Variants in ASTN1 observed in about 807,000 individuals in gnomAD.
The protein encoded by ASTN1 is astrotactin 1.
In ASTN1, 41 loss-of-function variants were observed where a neutral mutation model predicts 140.7. The ratio of observed to expected loss-of-function variants is 0.29; its 90% confidence interval spans 0.23 to 0.38. The LOEUF (loss-of-function observed/expected upper bound fraction) is 0.38, where lower values mean the gene tolerates loss of function less well. Among genes scored for constraint, ASTN1 ranks in the 10% least tolerant of loss-of-function variants. The probability of loss-of-function intolerance (pLI) is 1.00; values close to 1 mark genes in which losing one functional copy is unlikely to be tolerated. For synonymous variants in ASTN1, 640 were observed against 652.2 expected, an observed-to-expected ratio of 0.98 and a Z score of 0.29; for missense variants, 1,479 against 1,678.8, an observed-to-expected ratio of 0.88 and a Z score of 2.08.
At chr1:177,159,086 A>AT in intron 1 of ASTN1, among the ~76,000 whole-genome samples, 1 of 151,496 alleles carries the variant, frequency 6.6e-6, no homozygotes, top group Admixed American at 6.6e-5. Context: ...AAAAAAAAAA[A>AT]ATTAAAATTT....
chr1:176,899,893 T>C (rs1465442751), intron 16 of ASTN1, among the ~76,000 whole-genome samples: 1 of 152,194 alleles, frequency 6.6e-6, no homozygotes, highest in Non-Finnish European at 1.5e-5. Flanking sequence ...AATGGATTAA[T>C]AATTAGGGAA....
At chr1:176,927,722 A>T (rs967587209) in intron 16 of ASTN1, among the ~76,000 whole-genome samples, 8 of 152,214 alleles carry the variant, frequency 5.3e-5, no homozygotes, top group African/African-American at 1.9e-4. Flanking sequence ...ATCACTTTGT[A>T]ATTCCTCCCA....
chr1:176,876,899 G>A (rs1372521530), intron 20 of ASTN1, among the ~76,000 whole-genome samples: 1 of 152,130 alleles, frequency 6.6e-6, no homozygotes, highest in East Asian at 1.9e-4. Context: ...ATCAGGCACC[G>A]GTTCTCAAAG....
intron 8 of ASTN1, among the ~76,000 whole-genome samples, chr1:177,012,286 G>A (rs1384067603): frequency 6.6e-6 from 1 of 152,074 alleles, no homozygotes; most frequent in African/African-American, 2.4e-5. Context: ...AAGATGTATG[G>A]CATCTTATAC....
chr1:176,903,037 C>T (rs1217423733), intron 16 of ASTN1, among the ~76,000 whole-genome samples: 1 of 152,172 alleles, frequency 6.6e-6, no homozygotes, highest in Non-Finnish European at 1.5e-5. Context: ...CAGTGCTTTA[C>T]ACTTGGAAGC....
chr1:176,940,451 C>T (rs1671668635), intron 14 of ASTN1, among the ~76,000 whole-genome samples: 1 of 152,176 alleles, frequency 6.6e-6, no homozygotes, highest in African/African-American at 2.4e-5. Flanking sequence ...AGAGAAAGTA[C>T]AATATGCACC....
At chr1:177,152,645 T>C (rs541804396) in intron 1 of ASTN1, among the ~76,000 whole-genome samples, 6 of 152,134 alleles carry the variant, frequency 3.9e-5, no homozygotes, top group African/African-American at 1.4e-4. Context: ...TATTTCTTAA[T>C]TAATTTAAAA....
chr1:176,926,023 G>A (rs1004354810), intron 16 of ASTN1, among the ~76,000 whole-genome samples: 1 of 151,916 alleles, frequency 6.6e-6, no homozygotes, highest in African/African-American at 2.4e-5. Context: ...TAGCCAGGAT[G>A]GTCTCGATCT....
chr1:177,146,818 T>C (rs1682739868), intron 1 of ASTN1, among the ~76,000 whole-genome samples: 2 of 152,308 alleles, frequency 1.3e-5, no homozygotes, highest in Admixed American at 6.5e-5. Flanking sequence ...AGTTAGCTTG[T>C]CAGTTGTTCT....
At chr1:177,111,535 G>A (rs1680823184) in intron 1 of ASTN1, among the ~76,000 whole-genome samples, 1 of 152,084 alleles carries the variant, frequency 6.6e-6, no homozygotes. Flanking sequence ...ACTTACAAAC[G>A]AAGCCCTTCC....
At position 176,882,858 on chromosome 1, in the gene ASTN1, C is replaced by T; in HGVS notation, c.3362+1G>A. 1.2e-6 allele frequency: 2 copies of T among 1,614,144 alleles called. No homozygotes were observed. Among genetic ancestry groups the T allele is most frequent in the Non-Finnish European group, 1.7e-6 (2 of 1,180,036 alleles). ...TCACTAGGTAGGTGTGTGTTACTCACATGTAAATGGTGTCAGGTTCCAGGC... is the reference window on the plus strand; with the variant it reads ...TCACTAGGTAGGTGTGTGTTACTCATATGTAAATGGTGTCAGGTTCCAGGC... On this transcript the variant is annotated splice_donor_variant, in intron 20 of 22. Transcript: ENST00000361833. LOFTEE classifies it high-confidence loss of function.
intron 8 of ASTN1, among the ~76,000 whole-genome samples, chr1:177,011,778 TAGA>T (rs1289480947): frequency 6.6e-6 from 1 of 151,756 alleles, no homozygotes; most frequent in Non-Finnish European, 1.5e-5. Flanking sequence ...ACCAGGAAAC[TAGA>T]AGGAGGCAGA....
At chr1:176,915,121 C>T (rs1670425791) in intron 16 of ASTN1, among the ~76,000 whole-genome samples, 1 of 152,096 alleles carries the variant, frequency 6.6e-6, no homozygotes, top group African/African-American at 2.4e-5. Flanking sequence ...AAAAATATAG[C>T]ATACAGTGTT....
chr1:177,035,309 C>A (rs1676658358), intron 2 of ASTN1, among the ~76,000 whole-genome samples: 2 of 152,204 alleles, frequency 1.3e-5, no homozygotes, highest in Admixed American at 6.5e-5. Flanking sequence ...GACATCTACA[C>A]CCTGGCATCT....
In ASTN1 at chr1:177,164,606, G is replaced by A; in HGVS notation, c.71C>T (p.Ala24Val). 1.2e-6 allele frequency: 2 copies of A among 1,611,582 alleles called. No individual in the cohort carries two copies. Among genetic ancestry groups the A allele is most frequent in the East Asian group, 2.2e-5 (1 of 44,768 alleles). ...CTCCTTGGATGGATCCACGTCGCCG[G>A]CGGCCGTGGCCAGCACCGCCGCCGG... is the stretch of plus-strand genomic sequence containing the variant. ...WGPAAVLATA[A>V]GDVDPSKELE... The change falls in exon 1 of 23, where the codon GCC (alanine) becomes GTC (valine). Residue 24 changes from alanine to valine, a missense_variant. Around this residue, in one of 3 missense-constraint regions of ASTN1, gnomAD observed 729 missense variants for 860.4 expected, o/e 0.85. Coordinates refer to ENST00000361833, the MANE Select transcript of ASTN1 (RefSeq NM_004319.3).
At chr1:177,056,803 T>A in intron 2 of ASTN1, among the ~76,000 whole-genome samples, 1 of 152,124 alleles carries the variant, frequency 6.6e-6, no homozygotes, top group African/African-American at 2.4e-5. Flanking sequence ...ACAAGTACAA[T>A]AAGAAAATTT....
At chr1:176,996,310 C>CAGAGAGAG (rs139189448) in intron 8 of ASTN1, among the ~76,000 whole-genome samples, 26 of 126,482 alleles carry the variant, frequency 2.1e-4, no homozygotes, top group African/African-American at 4.6e-4. Flanking sequence ...CACACACACA[C>CAGAGAGAG]AGAGAGAGAG....
At chr1:177,070,979 T>C (rs1274324882) in intron 1 of ASTN1, among the ~76,000 whole-genome samples, 1 of 152,206 alleles carries the variant, frequency 6.6e-6, no homozygotes, top group Non-Finnish European at 1.5e-5. Flanking sequence ...AATCCTAAAA[T>C]TGAGCAACAA....
intron 1 of ASTN1, among the ~76,000 whole-genome samples, chr1:177,092,020 A>C (rs534955112): frequency 6.6e-6 from 1 of 152,204 alleles, no homozygotes; most frequent in South Asian, 2.1e-4. Flanking sequence ...TATGTACCTA[A>C]AATAAAATGA....
Sources: gnomAD v4.1 joint callset for allele counts (sites outside exome capture counted in the v4.1 genomes callset) on GRCh38, gnomAD v4.1.1 for gene constraint, gnomAD v4.1.1 regional missense constraint, MANE v1.5 for transcripts, NCBI Gene and HGNC (gene_info 2026-07-23, HGNC 2026-07-21) for gene names.